The following SMARCC1 variants were observed in gnomAD, a reference collection of about 807,000 sequenced individuals.
SMARCC1 encodes the protein SWI/SNF related BAF chromatin remodeling complex subunit C1.
A neutral mutation model predicts 147.4 loss-of-function variants in SMARCC1; 43 were observed. The ratio of observed to expected loss-of-function variants is 0.29; its 90% confidence interval spans 0.23 to 0.38. The LOEUF is 0.38. SMARCC1 is among the 10% of genes least tolerant of loss of function. The pLI is 1.00. For missense variants in SMARCC1, 1,119 were observed against 1,381.1 expected (o/e 0.81, Z 3.01); for synonymous variants, 495 against 484.4 (o/e 1.02, Z -0.29).
chr3:47,661,198 C>T lies in SMARCC1; in HGVS notation c.2320+96G>A, dbSNP rs181863918. The T allele has an allele frequency of 1.7e-3, 1,730 of 1,013,352 alleles. 4 individuals carry two copies. The highest frequency in any genetic ancestry group is 2.1e-3 in the Non-Finnish European group (1,410 of 686,724). The allele number at this position is 1,013,352 out of a possible 1,614,324, so 62.8% of individuals were successfully genotyped here. A position where few individuals can be genotyped will look rare whatever the true frequency, so the allele number is the denominator to read the frequency against. The stretch of plus-strand genomic sequence containing the variant: ...AGACAAGTTTATACTGATCATTGTA[C>T]TCACTTTTTAGTGCAAGTAAACCCA... On this transcript the variant is annotated intron_variant, in intron 21 of 27. Coordinates refer to ENST00000254480, the MANE Select transcript of SMARCC1 (RefSeq NM_003074.4).
At chr3:47,768,657 T>C (rs1300832169) in intron 2 of SMARCC1, among the ~76,000 whole-genome samples, 1 of 152,152 alleles carries the variant, frequency 6.6e-6, no homozygotes, top group Non-Finnish European at 1.5e-5. Flanking sequence ...CCTCAATCAA[T>C]AGCTAATTTG....
intron 11 of SMARCC1, among the ~76,000 whole-genome samples, chr3:47,694,401 G>A (rs2033824004): frequency 6.6e-6 from 1 of 152,146 alleles, no homozygotes; most frequent in South Asian, 2.1e-4. Flanking sequence ...AGGAGTCTTA[G>A]ACCAGCTTGG....
chr3:47,664,217 A>G (rs1452150155), intron 19 of SMARCC1, among the ~76,000 whole-genome samples: 1 of 152,014 alleles, frequency 6.6e-6, no homozygotes, highest in Admixed American at 6.6e-5. Context: ...AAATAGCATA[A>G]TGAGATACTT....
At chr3:47,681,312 T>G (rs2033641149) in intron 14 of SMARCC1, among the ~76,000 whole-genome samples, 1 of 152,208 alleles carries the variant, frequency 6.6e-6, no homozygotes, top group Non-Finnish European at 1.5e-5. Context: ...AATAACTTTT[T>G]AGTTTTTATT....
Position 47,700,559 on chromosome 3 carries a change from C to G in SMARCC1, c.1165+719G>C, listed in dbSNP as rs1321624033. ...TTTGAGACTGAGTCTCACTCTGTCG[C>G]CCAGGCTGGAGTGCAGTGGTATGAT... On this transcript the variant is annotated intron_variant, in intron 11 of 27. Coordinates refer to ENST00000254480, the MANE Select transcript of SMARCC1 (RefSeq NM_003074.4). Among the ~76,000 whole-genome samples the G allele has an allele frequency of 2.0e-5, 3 of 152,134 alleles. No homozygotes were observed. In the East Asian group the frequency reaches 5.8e-4, roughly 29 times the overall value.
intron 3 of SMARCC1, among the ~76,000 whole-genome samples, chr3:47,738,985 T>G (rs914317462): frequency 6.6e-6 from 1 of 152,254 alleles, no homozygotes; most frequent in Non-Finnish European, 1.5e-5. Flanking sequence ...CTCCAATGTC[T>G]CTTTACATTA....
At chr3:47,695,999 G>A (rs1353235641) in intron 11 of SMARCC1, among the ~76,000 whole-genome samples, 3 of 147,356 alleles carry the variant, frequency 2.0e-5, no homozygotes, top group Admixed American at 6.8e-5. Context: ...CTCAAGAGGC[G>A]GAGGTTGCAG....
intron 2 of SMARCC1, among the ~76,000 whole-genome samples, chr3:47,759,571 A>AGACT (rs1553691344): frequency 7.1e-6 from 1 of 140,316 alleles, no homozygotes; most frequent in African/African-American, 2.6e-5. Context: ...CAGTGAGCCA[A>AGACT]GATTCCACCA....
intron 2 of SMARCC1, among the ~76,000 whole-genome samples, chr3:47,758,811 A>C (rs1576433485): frequency 6.6e-6 from 1 of 151,960 alleles, no homozygotes; most frequent in South Asian, 2.1e-4. Flanking sequence ...AGGTGGGTGG[A>C]TGACCTGAGG....
chr3:47,652,397 A>G (rs1458008710), intron 21 of SMARCC1, among the ~76,000 whole-genome samples: 1 of 152,162 alleles, frequency 6.6e-6, no homozygotes, highest in South Asian at 2.1e-4. Context: ...CTTCAGCATT[A>G]TATTTCCCAT....
chr3:47,750,183 C>T (rs1466326244), intron 2 of SMARCC1, among the ~76,000 whole-genome samples: 1 of 151,960 alleles, frequency 6.6e-6, no homozygotes, highest in Non-Finnish European at 1.5e-5. Context: ...CGCCAATAAT[C>T]CTAACACTTT....
Position 47,636,108 on chromosome 3 carries a change from T to C in SMARCC1, c.2405A>G (p.Asp802Gly), listed in dbSNP as rs769376787. The C allele has an allele frequency of 1.6e-5, 25 of 1,607,274 alleles. No homozygotes were observed. The African/African-American group carries it at 2.5e-4, about 16-fold the overall frequency. Residue 802 changes from aspartate to glycine, a missense_variant, in exon 23 of 28, where the codon GAT becomes GGT. This residue lies in a region of SMARCC1 where 157 missense variants were observed against 158.6 expected (regional missense o/e 0.99). Coordinates refer to ENST00000254480, the MANE Select transcript of SMARCC1 (RefSeq NM_003074.4). ...TCCATCTTGTGCTTTATCACCTTCA[T>C]CCGTTTCATTTTCCACTTTATTTTC... ...KAENKVENET[D>G]EGDKAQDGEN...
intron 21 of SMARCC1, among the ~76,000 whole-genome samples, chr3:47,655,643 G>A (rs1234373903): frequency 1.3e-5 from 2 of 151,700 alleles, no homozygotes; most frequent in East Asian, 1.9e-4. Flanking sequence ...GTTGCATGCA[G>A]TGAGTTGAGA....
At chr3:47,721,240 T>C (rs559766152) in intron 6 of SMARCC1, among the ~76,000 whole-genome samples, 1 of 152,316 alleles carries the variant, frequency 6.6e-6, no homozygotes, top group East Asian at 1.9e-4. Context: ...TGTAAAGTGC[T>C]ACATCAAAGC....
rs898340636 is a variant in SMARCC1 at position 47,588,087 on chromosome 3, C to T, written c.*122G>A. The T allele has an allele frequency of 1.1e-5, 8 of 756,136 alleles. No homozygotes were observed. Among genetic ancestry groups the T allele is most frequent in the African/African-American group, 3.5e-5 (2 of 56,566 alleles). 46.8% of individuals were successfully genotyped at this position (756,136 alleles called of 1,614,324 possible). ...AAGAGGAGTGGGGAGGCACGGGACA[C>T]GTGCTTGGAGCTGTGAGAAGAAAAA... is the stretch of plus-strand genomic sequence containing the variant. On this transcript the variant is annotated 3_prime_UTR_variant, in exon 28 of 28. Transcript: ENST00000254480.
At chr3:47,754,107 A>C (rs964385725) in intron 2 of SMARCC1, among the ~76,000 whole-genome samples, 2 of 152,226 alleles carry the variant, frequency 1.3e-5, no homozygotes, top group African/African-American at 4.8e-5. Context: ...TGGAGACAAC[A>C]AAAAGTATTA....
At chr3:47,640,927 C>T (rs899160912) in intron 21 of SMARCC1, among the ~76,000 whole-genome samples, 2 of 152,138 alleles carry the variant, frequency 1.3e-5, no homozygotes, top group South Asian at 4.1e-4. Context: ...AATATTAGTA[C>T]TCTACAAACC....
intron 11 of SMARCC1, among the ~76,000 whole-genome samples, 167 bp from the exon 12 acceptor site, chr3:47,693,467 C>T (rs548403043): frequency 5.8e-4 from 88 of 152,302 alleles, no homozygotes; most frequent in Non-Finnish European, 1.0e-3. Flanking sequence ...AAATATTTAA[C>T]AGACTATATT....
intron 9 of SMARCC1, among the ~76,000 whole-genome samples, chr3:47,708,083 C>CTTTTTTCTTTTTTTTTTTT (rs2034032931): frequency 3.1e-5 from 2 of 64,270 alleles, no homozygotes; most frequent in African/African-American, 1.3e-4. Flanking sequence ...AATTTTTTTT[C>CTTTTTTCTTTTTTTTTTTT]TTTTTTTTTT....
Sources: gnomAD v4.1 joint callset for allele counts (sites outside exome capture counted in the v4.1 genomes callset) on GRCh38, gnomAD v4.1.1 for gene constraint, gnomAD v4.1.1 regional missense constraint, MANE v1.5 for transcripts, NCBI Gene and HGNC (gene_info 2026-07-23, HGNC 2026-07-21) for gene names.